Variants in BLMH observed in about 807,000 individuals in gnomAD.
BLMH encodes the protein bleomycin hydrolase.
BLMH carries 32 observed loss-of-function variants against 61.6 expected under a neutral mutation model. The observed-to-expected ratio is 0.52, with a 90% CI of 0.39 to 0.70. The LOEUF (loss-of-function observed/expected upper bound fraction) is 0.70. Among genes scored for constraint, BLMH ranks in the 30% least tolerant of loss-of-function variants. BLMH has a pLI of 0.00. For missense variants in BLMH, 460 were observed against 555.5 expected (o/e 0.83, Z 1.73); for synonymous variants, 183 against 193.8 (o/e 0.94, Z 0.46).
At chr17:30,289,984 AAC>A (rs369960675) in intron 2 of BLMH, among the ~76,000 whole-genome samples, 1,859 of 151,512 alleles carry the variant, frequency 0.012, 17 homozygotes, top group African/African-American at 0.022. Flanking sequence ...AACACTATTA[AAC>A]ACACACACAC....
At position 30,266,953 on chromosome 17, in the gene BLMH, T is replaced by C. The variant is rs775474048; in HGVS notation, c.1148A>G (p.Asp383Gly). 6 of 1,613,866 alleles carry C rather than the reference T, an allele frequency of 3.7e-6. No homozygotes were observed. The highest frequency in any genetic ancestry group is 4.2e-6 in the Non-Finnish European group (5 of 1,179,934). Residue 383 changes from aspartate (D) to glycine (G), a missense_variant and splice_region_variant, in exon 11 of 12, where the codon GAT (aspartate) becomes GGT (glycine). Coordinates refer to ENST00000261714, the MANE Select transcript of BLMH (RefSeq NM_000386.4). ...AMTFTAVSEK[D>G]DQDGAFTKWR... ...TTTTGTGAAAGCACCATCCTGATCA[T>C]CCTGCAAAAAAGTGGATGATGGTGA...
At chr17:30,271,459 G>A in intron 9 of BLMH, 71 bp from the exon 10 acceptor site, 1 of 1,235,138 alleles carries the variant, frequency 8.1e-7, no homozygotes, top group Non-Finnish European at 1.2e-6. Context: ...GGTTGTAAAA[G>A]GAATTCAGAA....
At chr17:30,284,347 G>A (rs1411698877) in intron 6 of BLMH, among the ~76,000 whole-genome samples, 3 of 152,162 alleles carry the variant, frequency 2.0e-5, no homozygotes, top group African/African-American at 7.2e-5. Flanking sequence ...AGCTCAGATA[G>A]CCTGACTTCA....
chr17:30,266,503 C>T (rs771399819), intron 11 of BLMH, among the ~76,000 whole-genome samples: 27 of 130,148 alleles, frequency 2.1e-4, no homozygotes, highest in East Asian at 6.5e-4. Context: ...CCAGCCTGGG[C>T]GACAGAGCAA....
chr17:30,256,787 A>C (rs180751680), intron 11 of BLMH, among the ~76,000 whole-genome samples: 1 of 152,208 alleles, frequency 6.6e-6, no homozygotes, highest in Admixed American at 6.5e-5. Context: ...AAGACTCTCA[A>C]TGAAAAACTC....
chr17:30,251,530 T>G (rs1161208491), intron 11 of BLMH, among the ~76,000 whole-genome samples: 1 of 152,274 alleles, frequency 6.6e-6, no homozygotes, highest in African/African-American at 2.4e-5. Context: ...ACTTGTTTTA[T>G]AGTAAACACT....
intron 11 of BLMH, among the ~76,000 whole-genome samples, chr17:30,264,353 G>T (rs1474911216): frequency 1.3e-5 from 2 of 152,036 alleles, no homozygotes; most frequent in South Asian, 2.1e-4. Flanking sequence ...AGAGTTACAG[G>T]GATAGCAAGA....
chr17:30,286,794 C>A lies in BLMH; in HGVS notation c.552+20G>T. ...GGAAAGTACACTAAACTCAATCCCA[C>A]CCTGCTTCATATATTGTACCTTGTG... On this transcript the variant is annotated intron_variant, in intron 5 of 11. Transcript: ENST00000261714. 6.5e-7 allele frequency: 1 copy of A among 1,533,964 alleles called. No individual in the cohort carries two copies. The highest frequency in any genetic ancestry group is 1.4e-5 in the African/African-American group (1 of 73,218).
chr17:30,251,270 A>C (rs886239256), intron 11 of BLMH, among the ~76,000 whole-genome samples: 1 of 152,254 alleles, frequency 6.6e-6, no homozygotes, highest in Non-Finnish European at 1.5e-5. Context: ...CTGTTCTTTC[A>C]GGAACAGATC....
chr17:30,284,715 A>C (rs749189081), intron 6 of BLMH, among the ~76,000 whole-genome samples: 8 of 152,196 alleles, frequency 5.3e-5, no homozygotes, highest in Non-Finnish European at 1.2e-4. Context: ...CTCCGTCTTT[A>C]TTTCTACAGA....
Position 30,248,363 on chromosome 17 carries a change from A to G in BLMH, c.*654T>C, listed in dbSNP as rs1354668815. 1 of 152,442 alleles carries G rather than the reference A, an allele frequency of 6.6e-6. No homozygotes were observed. Among genetic ancestry groups the G allele is most frequent in the Non-Finnish European group, 1.5e-5 (1 of 68,028 alleles). 9.4% of individuals were successfully genotyped at this position (152,442 alleles called of 1,614,324 possible). A position where few individuals can be genotyped will look rare whatever the true frequency, so the allele number is the denominator to read the frequency against. On this transcript the variant is annotated 3_prime_UTR_variant, in exon 12 of 12. Transcript: ENST00000261714. Reference sequence around the variant, plus strand: ...CCTAATGATTATGACTGAGACCATGATAAGATTTTGGTTGTTCTCACCCAA... The same window carrying G: ...CCTAATGATTATGACTGAGACCATGGTAAGATTTTGGTTGTTCTCACCCAA...
At chr17:30,264,410 T>C (rs751330607) in intron 11 of BLMH, among the ~76,000 whole-genome samples, 1 of 152,196 alleles carries the variant, frequency 6.6e-6, no homozygotes, top group Non-Finnish European at 1.5e-5. Flanking sequence ...ATGAGTAAGT[T>C]AGCAAAAGCA....
intron 3 of BLMH, 138 bp from the exon 4 acceptor site, chr17:30,288,085 CT>C: frequency 1.1e-6 from 1 of 925,664 alleles, no homozygotes. Flanking sequence ...AACATGAAAC[CT>C]TCATGAATTT....
At chr17:30,287,699 G>A in intron 4 of BLMH, 107 bp downstream of exon 4, 1 of 1,295,724 alleles carries the variant, frequency 7.7e-7, no homozygotes, top group South Asian at 1.5e-5. Flanking sequence ...ATCCTTCTTG[G>A]AGACCAATTC....
chr17:30,256,615 C>T (rs185394574), intron 11 of BLMH, among the ~76,000 whole-genome samples: 1 of 152,258 alleles, frequency 6.6e-6, no homozygotes, highest in African/African-American at 2.4e-5. Flanking sequence ...CAGGCGTAAG[C>T]CATCGTGCCC....
At chr17:30,251,807 A>C (rs1159543056) in intron 11 of BLMH, among the ~76,000 whole-genome samples, 2 of 152,268 alleles carry the variant, frequency 1.3e-5, no homozygotes, top group African/African-American at 4.8e-5. Flanking sequence ...CATTCTTAAA[A>C]TTATTAGGGA....
chr17:30,253,116 C>A (rs1567830339), intron 11 of BLMH, among the ~76,000 whole-genome samples: 1 of 152,146 alleles, frequency 6.6e-6, no homozygotes, highest in Non-Finnish European at 1.5e-5. Flanking sequence ...CACCACAATG[C>A]AGGCTGAATA....
intron 3 of BLMH, among the ~76,000 whole-genome samples, chr17:30,288,992 C>G (rs938388858): frequency 6.6e-6 from 1 of 151,918 alleles, no homozygotes; most frequent in Non-Finnish European, 1.5e-5. Flanking sequence ...AATAAACAAT[C>G]AAATAAAATT....
chr17:30,291,825 C>A lies in BLMH; in HGVS notation c.-6G>T. On this transcript the variant is annotated 5_prime_UTR_variant, in exon 1 of 12. Transcript: ENST00000261714. Reference sequence around the variant, plus strand: ...ACCTCACCCGAGCTGCTCATGGCGCCCACGCTGCCCGGCGGGGTAACGGTA... The same window carrying A: ...ACCTCACCCGAGCTGCTCATGGCGCACACGCTGCCCGGCGGGGTAACGGTA... 7.4e-7 allele frequency: 1 copy of A among 1,349,720 alleles called. No individual in the cohort carries two copies. The highest frequency in any genetic ancestry group is 9.5e-7 in the Non-Finnish European group (1 of 1,055,330). The allele number at this position is 1,349,720 out of a possible 1,614,324, so 83.6% of individuals were successfully genotyped here.
Sources: gnomAD v4.1 joint callset for allele counts (sites outside exome capture counted in the v4.1 genomes callset) on GRCh38, gnomAD v4.1.1 for gene constraint, MANE v1.5 for transcripts, NCBI Gene and HGNC (gene_info 2026-07-23, HGNC 2026-07-21) for gene names.